The following STK39 variants were observed in gnomAD, a reference collection of about 807,000 sequenced individuals.
STK39 encodes serine/threonine kinase 39.
A neutral mutation model predicts 77.8 loss-of-function variants in STK39; 20 were observed. The observed-to-expected ratio is 0.26, with a 90% CI of 0.18 to 0.37. The LOEUF is 0.37. Among genes scored for constraint, STK39 ranks in the 10% least tolerant of loss-of-function variants. The pLI is 1.00. For synonymous variants in STK39, 246 were observed against 234.1 expected (o/e 1.05, Z -0.47); for missense variants, 479 against 656.5 (o/e 0.73, Z 2.95).
At chr2:167,958,138 T>TC (rs1174320778) in intron 17 of STK39, among the ~76,000 whole-genome samples, 126 of 152,168 alleles carry the variant, frequency 8.3e-4, no homozygotes, top group African/African-American at 3.0e-3. Flanking sequence ...TGTTCAAACT[T>TC]TGGGGTCTTA....
chr2:167,989,868 A>T (rs1485044927), intron 16 of STK39, among the ~76,000 whole-genome samples: 2 of 151,236 alleles, frequency 1.3e-5, no homozygotes, highest in East Asian at 3.9e-4. Flanking sequence ...GATAAGCAGT[A>T]AAAAAAAATC....
At position 168,006,479 on chromosome 2, in the gene STK39, C is replaced by A. The variant is rs572651177; in HGVS notation, c.1498+6155G>T. Among the ~76,000 whole-genome samples, 17 of 152,274 alleles carry A rather than the reference C, an allele frequency of 1.1e-4. 3 individuals are homozygous for A. In the South Asian group the frequency reaches 3.3e-3, roughly 30 times the overall value. ...CATTGCAGAGAAAACTTATTTCTTG[C>A]CGGCTGTTTTTTCACCAGAAAGCAA... On this transcript the variant is annotated intron_variant, in intron 16 of 17. Coordinates refer to ENST00000355999, the MANE Select transcript of STK39 (RefSeq NM_013233.3).
At chr2:168,010,491 G>A (rs758968982) in intron 16 of STK39, among the ~76,000 whole-genome samples, 2 of 151,302 alleles carry the variant, frequency 1.3e-5, no homozygotes, top group East Asian at 1.9e-4. Context: ...AAATTTAGGC[G>A]AGAACTTAGC....
chr2:167,996,222 C>G (rs1683834920), intron 16 of STK39, among the ~76,000 whole-genome samples: 1 of 152,162 alleles, frequency 6.6e-6, no homozygotes, highest in Admixed American at 6.5e-5. Context: ...GGGCCAAGAA[C>G]ATTTAAAAAA....
At chr2:168,195,834 C>A (rs1207800297) in intron 1 of STK39, among the ~76,000 whole-genome samples, 3 of 152,024 alleles carry the variant, frequency 2.0e-5, no homozygotes, top group Non-Finnish European at 4.4e-5. Context: ...CTGGCCAACA[C>A]GGCAAAACCC....
At chr2:168,211,470 T>C (rs1290637791) in intron 1 of STK39, among the ~76,000 whole-genome samples, 2 of 152,214 alleles carry the variant, frequency 1.3e-5, no homozygotes, top group Non-Finnish European at 2.9e-5. Context: ...ACCAACCCTG[T>C]GAAGAGACAG....
At chr2:167,998,747 C>T (rs1339925616) in intron 16 of STK39, among the ~76,000 whole-genome samples, 1 of 152,206 alleles carries the variant, frequency 6.6e-6, no homozygotes, top group Non-Finnish European at 1.5e-5. Context: ...CATTAAATTA[C>T]AAATCGCTTT....
chr2:167,998,110 TAA>T (rs35127860), intron 16 of STK39, among the ~76,000 whole-genome samples: 2 of 151,402 alleles, frequency 1.3e-5, no homozygotes, highest in African/African-American at 4.9e-5. Flanking sequence ...AAGGGAAGGT[TAA>T]AAAAAAATAA....
chr2:168,056,084 T>C (rs1469159331), intron 14 of STK39, among the ~76,000 whole-genome samples: 1 of 152,210 alleles, frequency 6.6e-6, no homozygotes, highest in East Asian at 1.9e-4. Context: ...CATTTAACAT[T>C]GAGCCTTAAG....
At position 168,157,826 on chromosome 2, in the gene STK39, A is replaced by C. The variant is rs181351992; in HGVS notation, c.628+3961T>G. On this transcript the variant is annotated intron_variant, in intron 5 of 17. Transcript: ENST00000355999. Reference sequence around the variant, plus strand: ...AAACGTAAGTGAAAATGAGCATGAGATCTACCTTACATAATGTAGTAGTAA... The same window carrying C: ...AAACGTAAGTGAAAATGAGCATGAGCTCTACCTTACATAATGTAGTAGTAA... 3.0e-3 allele frequency among the ~76,000 whole-genome samples: 460 copies of C among 152,324 alleles called. 6 individuals are homozygous for C. The highest frequency in any genetic ancestry group is 0.01 in the African/African-American group (432 of 41,570).
chr2:168,151,632 G>A (rs892721461), intron 5 of STK39, among the ~76,000 whole-genome samples: 5 of 151,726 alleles, frequency 3.3e-5, no homozygotes, highest in Non-Finnish European at 1.5e-5. Flanking sequence ...CCAGCTACTC[G>A]TGAGGCTGAC....
At chr2:168,075,952 G>A (rs1304890759) in intron 10 of STK39, among the ~76,000 whole-genome samples, 1 of 152,212 alleles carries the variant, frequency 6.6e-6, no homozygotes, top group African/African-American at 2.4e-5. Flanking sequence ...AGCTAGGGTA[G>A]AGATGTAATC....
chr2:168,151,944 A>C (rs890043393), intron 5 of STK39, among the ~76,000 whole-genome samples: 1 of 152,214 alleles, frequency 6.6e-6, no homozygotes, highest in Non-Finnish European at 1.5e-5. Context: ...GGAGAGGACC[A>C]GTTGAACAAA....
At chr2:168,051,418 C>T (rs1373113673) in intron 14 of STK39, among the ~76,000 whole-genome samples, 1 of 152,164 alleles carries the variant, frequency 6.6e-6, no homozygotes, top group Non-Finnish European at 1.5e-5. Flanking sequence ...GTTTAAGGTA[C>T]TGACTATTTT....
At chr2:168,159,588 A>G (rs1281478647) in intron 5 of STK39, among the ~76,000 whole-genome samples, 1 of 152,212 alleles carries the variant, frequency 6.6e-6, no homozygotes, top group Non-Finnish European at 1.5e-5. Context: ...TTCAAACTTT[A>G]AATACTGTAT....
At chr2:168,126,155 C>T (rs1406813633) in intron 10 of STK39, among the ~76,000 whole-genome samples, 1 of 152,150 alleles carries the variant, frequency 6.6e-6, no homozygotes, top group Non-Finnish European at 1.5e-5. Flanking sequence ...CATTTAAACA[C>T]TCATGTGTCA....
chr2:168,186,519 T>G (rs545223364), intron 1 of STK39, among the ~76,000 whole-genome samples: 5 of 152,350 alleles, frequency 3.3e-5, no homozygotes, highest in Admixed American at 2.0e-4. Context: ...CTCATTGTAG[T>G]TCCCATCTTA....
At chr2:168,148,963 C>T (rs902598566) in intron 5 of STK39, among the ~76,000 whole-genome samples, 2 of 152,164 alleles carry the variant, frequency 1.3e-5, no homozygotes, top group African/African-American at 2.4e-5. Flanking sequence ...CAAGCTTTAC[C>T]ATGAGGAGCT....
At chr2:168,111,881 C>A (rs780236047) in intron 10 of STK39, among the ~76,000 whole-genome samples, 1 of 152,026 alleles carries the variant, frequency 6.6e-6, no homozygotes, top group African/African-American at 2.4e-5. Flanking sequence ...ATATAAAAAC[C>A]TCACTGGATC....
Sources: allele counts gnomAD v4.1 joint callset (sites outside exome capture counted in the v4.1 genomes callset), GRCh38; gene constraint gnomAD v4.1.1; transcripts MANE v1.5; gene names NCBI Gene and HGNC (gene_info 2026-07-23, HGNC 2026-07-21).